DACH2: variants seen among roughly 807,000 people sequenced by gnomAD.
The protein encoded by DACH2 is dachshund family transcription factor 2.
A neutral mutation model predicts 35.8 loss-of-function variants in DACH2; 17 were observed. That is an observed-to-expected ratio of 0.48 (90% CI 0.33 to 0.71). The LOEUF is 0.71. Ranked by LOEUF, DACH2 falls within the 30% of genes least tolerant of loss-of-function variation. The pLI is 0.02. For missense variants in DACH2, 469 were observed against 472.7 expected (o/e 0.99, Z 0.07); for synonymous variants, 195 against 177.3 (o/e 1.10, Z -0.79).
rs762488576 is a variant in DACH2 at position 86,291,122 on chromosome X, C to T, written c.489-85702C>T. Among the ~76,000 whole-genome samples the T allele has an allele frequency of 2.4e-4, 25 of 105,144 alleles. No homozygotes were observed. In the East Asian group the frequency reaches 6.4e-3, roughly 27 times the overall value. The allele number at this position is 105,144 out of a possible 115,157, so 91.3% of individuals were successfully genotyped here. ...CCTTGAGCAGTGGTTTGTAGTTCTCCTTGAAGAGGTCCTTCACATCCCTTG... is the reference window on the plus strand; with the variant it reads ...CCTTGAGCAGTGGTTTGTAGTTCTCTTTGAAGAGGTCCTTCACATCCCTTG... On this transcript the variant is annotated intron_variant, in intron 1 of 11. Transcript: ENST00000373125.
At chrX:86,632,534 T>A (rs2040214279) in intron 3 of DACH2, among the ~76,000 whole-genome samples, 1 of 104,711 alleles carries the variant, frequency 9.6e-6, no homozygotes, top group African/African-American at 3.6e-5. Context: ...ACACGGGTTA[T>A]TTTTCAAACT....
intron 1 of DACH2, among the ~76,000 whole-genome samples, chrX:86,257,019 G>A (rs914092374): frequency 9.0e-6 from 1 of 111,483 alleles, no homozygotes. Context: ...AACAAAATTA[G>A]GATCATAAGC....
chrX:86,490,085 T>C (rs572255153), intron 2 of DACH2, among the ~76,000 whole-genome samples: 1 of 112,199 alleles, frequency 8.9e-6, no homozygotes, highest in Admixed American at 9.5e-5. Flanking sequence ...TTGGACGTAG[T>C]TGCATCCATG....
chrX:86,824,727 T>C (rs907986262), intron 11 of DACH2, among the ~76,000 whole-genome samples: 5 of 112,020 alleles, frequency 4.5e-5, no homozygotes, highest in Non-Finnish European at 9.4e-5. Context: ...TTCATTAAAA[T>C]AATAAAAATG....
intron 4 of DACH2, among the ~76,000 whole-genome samples, chrX:86,668,834 G>T (rs1172083650): frequency 9.0e-6 from 1 of 111,323 alleles, no homozygotes; most frequent in Non-Finnish European, 1.9e-5. Context: ...AGGAAACAAG[G>T]GTTTTGGATT....
At chrX:86,712,627 G>T (rs2041292068) in intron 5 of DACH2, among the ~76,000 whole-genome samples, 1 of 110,696 alleles carries the variant, frequency 9.0e-6, no homozygotes, top group Admixed American at 9.7e-5. Context: ...AATAAAAATT[G>T]TAACTATTAA....
At chrX:86,219,877 C>T (rs1028785817) in intron 1 of DACH2, among the ~76,000 whole-genome samples, 2 of 108,398 alleles carry the variant, frequency 1.8e-5, no homozygotes, top group African/African-American at 6.8e-5. Flanking sequence ...TTCTCCTGGC[C>T]GGGAGCGGTG....
chrX:86,217,887 AAT>A (rs2032615798), intron 1 of DACH2, among the ~76,000 whole-genome samples: 1 of 109,731 alleles, frequency 9.1e-6, no homozygotes, highest in African/African-American at 3.5e-5. Context: ...TAACAAATGT[AAT>A]GTAATGAAAA....
chrX:86,821,342 T>G (rs141026888), intron 11 of DACH2, among the ~76,000 whole-genome samples: 3,720 of 111,142 alleles, frequency 0.033, 147 homozygotes, highest in African/African-American at 0.11. Flanking sequence ...AAATTTTCTT[T>G]TAAATGCTTC....
At chrX:86,311,294 T>C (rs1175173085) in intron 1 of DACH2, among the ~76,000 whole-genome samples, 1 of 112,000 alleles carries the variant, frequency 8.9e-6, no homozygotes, top group Non-Finnish European at 1.9e-5. Context: ...GCATTGCCTC[T>C]GATGAAAGCA....
intron 1 of DACH2, among the ~76,000 whole-genome samples, chrX:86,183,262 A>T (rs2031558665): frequency 8.9e-6 from 1 of 112,060 alleles, no homozygotes; most frequent in African/African-American, 3.2e-5. Context: ...GCTGGTTTTC[A>T]AAGGGAATGC....
At chrX:86,393,481 G>A (rs1004421156) in intron 2 of DACH2, among the ~76,000 whole-genome samples, 6 of 112,143 alleles carry the variant, frequency 5.4e-5, no homozygotes, top group African/African-American at 9.7e-5. Flanking sequence ...GGTGGTTAAG[G>A]GTTTGGGTGA....
chrX:86,550,948 T>C (rs1250007918), intron 3 of DACH2, among the ~76,000 whole-genome samples: 1 of 111,670 alleles, frequency 9.0e-6, no homozygotes, highest in Non-Finnish European at 1.9e-5. Context: ...GGAATATGGC[T>C]TCAGTGTCCT....
chrX:86,424,754 T>C (rs2036864239), intron 2 of DACH2, among the ~76,000 whole-genome samples: 1 of 111,592 alleles, frequency 9.0e-6, no homozygotes, highest in African/African-American at 3.2e-5. Flanking sequence ...CCTTGTTTTG[T>C]TCCAGAGCTT....
At chrX:86,403,132 A>C (rs920721287) in intron 2 of DACH2, among the ~76,000 whole-genome samples, 6 of 112,353 alleles carry the variant, frequency 5.3e-5, no homozygotes, top group Admixed American at 4.7e-4. Flanking sequence ...TTGGCAAAAA[A>C]CTTTGACTAA....
intron 2 of DACH2, among the ~76,000 whole-genome samples, chrX:86,507,014 T>G (rs1465845976): frequency 4.5e-5 from 5 of 111,681 alleles, no homozygotes; most frequent in African/African-American, 1.3e-4. Flanking sequence ...ATTTTAAGAT[T>G]AGTTGCTAAT....
chrX:86,632,819 T>C (rs779081073), intron 3 of DACH2, among the ~76,000 whole-genome samples: 1 of 110,347 alleles, frequency 9.1e-6, no homozygotes, highest in Non-Finnish European at 1.9e-5. Context: ...ACCTGGAAAT[T>C]AAACAAAATG....
intron 7 of DACH2, among the ~76,000 whole-genome samples, chrX:86,765,755 T>C (rs1002681901): frequency 9.6e-6 from 1 of 103,872 alleles, no homozygotes; most frequent in Non-Finnish European, 2.0e-5. Flanking sequence ...TTGGGCTTTT[T>C]TTGGTTCCAA....
At chrX:86,532,060 G>A (rs910227286) in intron 3 of DACH2, among the ~76,000 whole-genome samples, 1 of 112,970 alleles carries the variant, frequency 8.9e-6, no homozygotes, top group Non-Finnish European at 1.9e-5. Flanking sequence ...TTTGTTTCAG[G>A]CAATTTCTCC....
Sources: allele counts gnomAD v4.1 joint callset (sites outside exome capture counted in the v4.1 genomes callset), GRCh38; gene constraint gnomAD v4.1.1; transcripts MANE v1.5; gene names NCBI Gene and HGNC (gene_info 2026-07-23, HGNC 2026-07-21).